Variants in KCND2 observed in about 807,000 individuals in gnomAD.
KCND2 encodes A-type voltage-gated potassium channel KCND2.
A neutral mutation model predicts 54.4 loss-of-function variants in KCND2; 16 were observed. That is an observed-to-expected ratio of 0.29 (90% confidence interval 0.20 to 0.45). The LOEUF (loss-of-function observed/expected upper bound fraction) is 0.45, where lower values mean the gene tolerates loss of function less well. Ranked by LOEUF, KCND2 falls within the 20% of genes least tolerant of loss-of-function variation. The pLI, the probability that KCND2 is intolerant of heterozygous loss-of-function variation, is 1.00. For synonymous variants in KCND2, 317 were observed against 310.7 expected (o/e 1.02, Z -0.21); for missense variants, 486 against 824.2 (o/e 0.59, Z 5.02).
Position 120,441,251 on chromosome 7 carries a change from G to C in KCND2, c.1115+165504G>C, listed in dbSNP as rs142399010. Among the ~76,000 whole-genome samples the C allele has an allele frequency of 4.4e-3, 669 of 152,036 alleles. 6 individuals carry two copies. The highest frequency in any genetic ancestry group is 0.015 in the African/African-American group (627 of 41,518). ...ATTGTGCAAGTTATTTAACTTTTCT[G>C]TTACATAGTTTGCTCATCTATGCTA... On this transcript the variant is annotated intron_variant, in intron 1 of 5. Transcript: ENST00000331113.
chr7:120,394,956 T>G (rs1240865984), intron 1 of KCND2, among the ~76,000 whole-genome samples: 1 of 152,052 alleles, frequency 6.6e-6, no homozygotes, highest in Non-Finnish European at 1.5e-5. Context: ...GCTATTTGGT[T>G]GTCAGAAACA....
chr7:120,339,117 A>G (rs917278517), intron 1 of KCND2, among the ~76,000 whole-genome samples: 2 of 151,384 alleles, frequency 1.3e-5, no homozygotes, highest in South Asian at 2.1e-4. Context: ...GATGGTCTCA[A>G]TCTGACCTCG....
chr7:120,284,690 G>A (rs1799314474), intron 1 of KCND2, among the ~76,000 whole-genome samples: 1 of 152,104 alleles, frequency 6.6e-6, no homozygotes, highest in African/African-American at 2.4e-5. Flanking sequence ...AACTAAGTTA[G>A]AGTGTAGTCA....
intron 1 of KCND2, among the ~76,000 whole-genome samples, chr7:120,487,231 AT>A (rs879332062): frequency 4.6e-5 from 7 of 151,948 alleles, no homozygotes; most frequent in South Asian, 2.1e-4. Context: ...TTAAGTAAAG[AT>A]TTTTTTTTAA....
At chr7:120,638,133 C>T (rs544440792) in intron 1 of KCND2, among the ~76,000 whole-genome samples, 4 of 152,146 alleles carry the variant, frequency 2.6e-5, no homozygotes, top group South Asian at 2.1e-4. Context: ...TAGGATCTTC[C>T]GCAGAATTTC....
intron 1 of KCND2, among the ~76,000 whole-genome samples, chr7:120,648,970 A>G (rs916048743): frequency 2.0e-5 from 3 of 152,194 alleles, no homozygotes; most frequent in Non-Finnish European, 4.4e-5. Context: ...ATTGAATCAC[A>G]CTAGTAAAGT....
chr7:120,378,624 C>G (rs776748062), intron 1 of KCND2, among the ~76,000 whole-genome samples: 23 of 151,888 alleles, frequency 1.5e-4, no homozygotes, highest in Non-Finnish European at 2.4e-4. Flanking sequence ...AACAAAACTA[C>G]GTGTAAAGCA....
intron 1 of KCND2, among the ~76,000 whole-genome samples, chr7:120,375,188 A>G (rs1453896317): frequency 6.6e-6 from 1 of 151,960 alleles, no homozygotes; most frequent in African/African-American, 2.4e-5. Context: ...ATCTTAAACT[A>G]TGGAATTTAT....
At chr7:120,694,377 C>T (rs763209258) in intron 1 of KCND2, among the ~76,000 whole-genome samples, 2 of 152,130 alleles carry the variant, frequency 1.3e-5, no homozygotes, top group African/African-American at 4.8e-5. Context: ...TAGCGTGGCA[C>T]CTGGGTTTAA....
At chr7:120,513,566 CTAGT>C (rs1233281412) in intron 1 of KCND2, among the ~76,000 whole-genome samples, 1 of 151,976 alleles carries the variant, frequency 6.6e-6, no homozygotes, top group East Asian at 1.9e-4. Flanking sequence ...TTGGAACTGA[CTAGT>C]TGTTTTGGTT....
intron 1 of KCND2, among the ~76,000 whole-genome samples, chr7:120,611,979 A>G (rs1241243499): frequency 6.6e-6 from 1 of 152,212 alleles, no homozygotes; most frequent in Non-Finnish European, 1.5e-5. Context: ...TTTAAGCACA[A>G]TCATTCTGGG....
chr7:120,293,427 A>T (rs917292225), intron 1 of KCND2, among the ~76,000 whole-genome samples: 1 of 151,912 alleles, frequency 6.6e-6, no homozygotes, highest in Non-Finnish European at 1.5e-5. Context: ...TTGTTCTGGC[A>T]CCCATGTGCT....
At chr7:120,596,256 C>A (rs868606098) in intron 1 of KCND2, among the ~76,000 whole-genome samples, 4 of 152,240 alleles carry the variant, frequency 2.6e-5, no homozygotes, top group Admixed American at 6.5e-5. Flanking sequence ...TGGCCCATCA[C>A]TGCCAGATTG....
At chr7:120,737,110 T>G (rs1792884820) in intron 2 of KCND2, among the ~76,000 whole-genome samples, 1 of 144,014 alleles carries the variant, frequency 6.9e-6, no homozygotes, top group South Asian at 2.2e-4. Flanking sequence ...AAAAAACAGA[T>G]TGTTGAGCCC....
chr7:120,275,038 G>C lies in KCND2; in HGVS notation c.406G>C (p.Glu136Gln). 4 of 1,614,038 alleles carry C rather than the reference G, an allele frequency of 2.5e-6. No individual in the cohort carries two copies. The highest frequency in any genetic ancestry group is 3.4e-6 in the Non-Finnish European group (4 of 1,180,044). Residue 136 changes from glutamate (E) to glutamine (Q), a missense_variant, in exon 1 of 6, where the codon GAG (glutamate) becomes CAG (glutamine). Physicochemically the swap from Glu to Gln is conservative, Grantham distance 29 (BLOSUM62 2). Coordinates refer to ENST00000331113, the MANE Select transcript of KCND2 (RefSeq NM_012281.3). The stretch of plus-strand genomic sequence containing the variant: ...AATCATCGGCGACTGCTGTTATGAG[G>C]AGTACAAGGATCGCAGGCGAGAGAA... ...PEIIGDCCYE[E>Q]YKDRRRENAE...
At chr7:120,701,724 G>A (rs1242025218) in intron 1 of KCND2, among the ~76,000 whole-genome samples, 1 of 152,138 alleles carries the variant, frequency 6.6e-6, no homozygotes, top group Non-Finnish European at 1.5e-5. Context: ...TTAATAAATG[G>A]TGTTGGGAAA....
intron 1 of KCND2, among the ~76,000 whole-genome samples, chr7:120,538,862 G>A (rs778126436): frequency 3.9e-5 from 6 of 152,090 alleles, no homozygotes; most frequent in African/African-American, 9.7e-5. Context: ...AGGGGCTGTG[G>A]ATATACAGGC....
chr7:120,469,114 TACTA>T (rs920944274), intron 1 of KCND2, among the ~76,000 whole-genome samples: 3 of 152,262 alleles, frequency 2.0e-5, no homozygotes, highest in African/African-American at 4.8e-5. Context: ...ATTGAAAACT[TACTA>T]ACTTTTGATC....
At chr7:120,582,364 T>G (rs1792527901) in intron 1 of KCND2, among the ~76,000 whole-genome samples, 1 of 152,150 alleles carries the variant, frequency 6.6e-6, no homozygotes, top group Admixed American at 6.5e-5. Context: ...TTTTTGACCA[T>G]TATATATACT....
Sources: gnomAD v4.1 joint callset for allele counts (sites outside exome capture counted in the v4.1 genomes callset) on GRCh38, gnomAD v4.1.1 for gene constraint, MANE v1.5 for transcripts, NCBI Gene and HGNC (gene_info 2026-07-23, HGNC 2026-07-21) for gene names.